GALNT17: variants seen among roughly 807,000 people sequenced by gnomAD.
GALNT17 encodes UDP-GalNAc:polypeptide N-acetylgalactosaminyltransferase-like 3.
Under a neutral mutation model 63.7 loss-of-function variants are expected in GALNT17, and 29 were observed. The observed-to-expected ratio is 0.46, with a 90% confidence interval of 0.34 to 0.62. The LOEUF is 0.62. GALNT17 is among the 20% of genes least tolerant of loss of function. The pLI is 0.01. For missense variants in GALNT17, 603 were observed against 799.6 expected (o/e 0.75, Z 2.97); for synonymous variants, 305 against 318.3 (o/e 0.96, Z 0.45).
intron 5 of GALNT17, among the ~76,000 whole-genome samples, chr7:71,516,342 T>C (rs1788444556): frequency 1.3e-5 from 2 of 152,178 alleles, no homozygotes; most frequent in Admixed American, 1.3e-4. Flanking sequence ...GAATCTACCA[T>C]GATTAGTAGC....
intron 5 of GALNT17, among the ~76,000 whole-genome samples, chr7:71,554,043 T>A (rs1292916981): frequency 6.6e-6 from 1 of 152,236 alleles, no homozygotes; most frequent in Non-Finnish European, 1.5e-5. Flanking sequence ...TCATAGCCGA[T>A]GCCCTTGGCC....
chr7:71,407,032 CA>C (rs1320801174), intron 3 of GALNT17, among the ~76,000 whole-genome samples: 1 of 152,150 alleles, frequency 6.6e-6, no homozygotes, highest in Non-Finnish European at 1.5e-5. Context: ...ACCATTTTTT[CA>C]CTGTGATCTC....
intron 1 of GALNT17, among the ~76,000 whole-genome samples, chr7:71,216,603 CACAT>C (rs1335473833): frequency 1.4e-5 from 2 of 144,794 alleles, no homozygotes; most frequent in Admixed American, 6.8e-5. Flanking sequence ...CATATCTACA[CACAT>C]ACACACAGAC....
intron 9 of GALNT17, among the ~76,000 whole-genome samples, chr7:71,701,885 A>G (rs918205325): frequency 8.2e-4 from 102 of 123,684 alleles, no homozygotes; most frequent in African/African-American, 3.2e-3. Context: ...ATATATGTAT[A>G]TATATATATA....
chr7:71,235,220 C>A (rs985172302), intron 1 of GALNT17, among the ~76,000 whole-genome samples: 3 of 151,008 alleles, frequency 2.0e-5, no homozygotes, highest in Non-Finnish European at 4.4e-5. Flanking sequence ...CATTGCACTC[C>A]AGCCTGGGTG....
intron 1 of GALNT17, among the ~76,000 whole-genome samples, chr7:71,228,690 A>G (rs951047521): frequency 2.6e-5 from 4 of 151,698 alleles, no homozygotes; most frequent in South Asian, 2.1e-4. Context: ...CTTCACCTCA[A>G]CTCTTTTCTC....
chr7:71,410,756 G>A (rs1793415360), intron 3 of GALNT17, among the ~76,000 whole-genome samples: 1 of 152,114 alleles, frequency 6.6e-6, no homozygotes, highest in Non-Finnish European at 1.5e-5. Flanking sequence ...TGCTCCATGA[G>A]CCTGGATGAC....
In GALNT17 at chr7:71,451,716, C is replaced by T. The variant is rs554267599; in HGVS notation, c.962+30611C>T. Among the ~76,000 whole-genome samples, 31 of 152,194 alleles carry T rather than the reference C, an allele frequency of 2.0e-4. No individual in the cohort carries two copies. In the South Asian group the frequency reaches 6.2e-3, roughly 31 times the overall value. On this transcript the variant is annotated intron_variant, in intron 5 of 10. Transcript: ENST00000333538. ...TTTCCCTCAAGTATGGATCTTGCTA[C>T]AGCTCATAAGTTTTTATATGTAGTG...
intron 1 of GALNT17, among the ~76,000 whole-genome samples, chr7:71,141,517 T>C (rs959497643): frequency 1.3e-5 from 2 of 152,044 alleles, no homozygotes; most frequent in Non-Finnish European, 2.9e-5. Context: ...AAATTCAAAA[T>C]GTATAGCATA....
chr7:71,672,397 G>A (rs1023023004), intron 8 of GALNT17, among the ~76,000 whole-genome samples: 6 of 152,100 alleles, frequency 3.9e-5, no homozygotes, highest in East Asian at 3.9e-4. Flanking sequence ...TGAAATCCAC[G>A]CAAGAAATGC....
intron 5 of GALNT17, among the ~76,000 whole-genome samples, chr7:71,480,536 C>T (rs566260810): frequency 2.6e-5 from 4 of 151,110 alleles, no homozygotes; most frequent in East Asian, 2.0e-4. Context: ...TGAGCTCTGT[C>T]GCTCATGTCA....
rs547618527 is a variant in GALNT17 at position 71,503,396 on chromosome 7, A to G, written c.963-67889A>G. 4.0e-4 allele frequency among the ~76,000 whole-genome samples: 61 copies of G among 152,136 alleles called. 1 individual carries two copies. The highest frequency in any genetic ancestry group is 1.4e-3 in the African/African-American group (57 of 41,514). ...GCTGGGACTACAGGCACACACCACC[A>G]TGCCTAATTTTTGTATTTTTAGTAG... On this transcript the variant is annotated intron_variant, in intron 5 of 10. Coordinates refer to ENST00000333538, the MANE Select transcript of GALNT17 (RefSeq NM_022479.3).
intron 1 of GALNT17, among the ~76,000 whole-genome samples, chr7:71,290,419 C>T (rs1790959424): frequency 6.6e-6 from 1 of 152,066 alleles, no homozygotes; most frequent in Non-Finnish European, 1.5e-5. Flanking sequence ...GTGGCTGATG[C>T]TATAAAAATA....
Position 71,669,043 on chromosome 7 carries a change from C to T in GALNT17, c.1267-929C>T, listed in dbSNP as rs115685342. On this transcript the variant is annotated intron_variant, in intron 7 of 10. Coordinates refer to ENST00000333538, the MANE Select transcript of GALNT17 (RefSeq NM_022479.3). ...GTCTCTGATAGTTACTAAGGAAATGCGTAAGAGCAGAAACTGAGAATGTAG... is the reference window on the plus strand; with the variant it reads ...GTCTCTGATAGTTACTAAGGAAATGTGTAAGAGCAGAAACTGAGAATGTAG... Among the ~76,000 whole-genome samples, 707 of 152,196 alleles carry T rather than the reference C, an allele frequency of 4.6e-3. 3 individuals are homozygous for T. Among genetic ancestry groups the T allele is most frequent in the African/African-American group, 0.016 (674 of 41,524 alleles).
chr7:71,573,368 TCGCCCAGGCTGGAGTGCAGTGGCGCG>T, intron 6 of GALNT17, among the ~76,000 whole-genome samples: 1 of 151,978 alleles, frequency 6.6e-6, no homozygotes, highest in Non-Finnish European at 1.5e-5. Context: ...TCTTGCTCTG[TCGCCCAGGCTGGAGTGCAGTGGCGCG>T]ATCTCGGCTC....
intron 5 of GALNT17, among the ~76,000 whole-genome samples, chr7:71,544,124 CTTTTTTTTTT>C (rs60144462): frequency 1.5e-5 from 2 of 132,424 alleles, no homozygotes; most frequent in Admixed American, 1.6e-4. Context: ...TTTCTTTTTT[CTTTTTTTTTT>C]TTTTTTTTTT....
At chr7:71,427,865 GA>G (rs1786788336) in intron 5 of GALNT17, among the ~76,000 whole-genome samples, 1 of 152,120 alleles carries the variant, frequency 6.6e-6, no homozygotes. Context: ...ATCCTATTGT[GA>G]ATTGCGCGTG....
intron 6 of GALNT17, among the ~76,000 whole-genome samples, chr7:71,637,068 G>A (rs563416166): frequency 5.9e-5 from 9 of 152,244 alleles, no homozygotes; most frequent in African/African-American, 2.2e-4. Context: ...CAGCACAGTA[G>A]CACATAACTC....
intron 2 of GALNT17, among the ~76,000 whole-genome samples, chr7:71,355,268 G>A (rs1792263001): frequency 6.6e-6 from 1 of 152,180 alleles, no homozygotes; most frequent in South Asian, 2.1e-4. Context: ...TTTCTGAAAA[G>A]CATTCTAAGT....
Sources: allele counts gnomAD v4.1 joint callset (sites outside exome capture counted in the v4.1 genomes callset), GRCh38; gene constraint gnomAD v4.1.1; transcripts MANE v1.5; gene names NCBI Gene and HGNC (gene_info 2026-07-23, HGNC 2026-07-21).